The following NCR1 variants were observed in gnomAD, a reference collection of about 807,000 sequenced individuals.
The protein encoded by NCR1 is natural cytotoxicity triggering receptor 1.
NCR1 carries 30 observed loss-of-function variants against 32.5 expected under a neutral mutation model. That is an observed-to-expected ratio of 0.92 (90% CI 0.69 to 1.25). NCR1 has a LOEUF of 1.25. Among genes scored for constraint, NCR1 ranks in the 50% most tolerant of loss-of-function variants. NCR1 has a pLI of 0.00. For synonymous variants in NCR1, 169 were observed against 143.4 expected (o/e 1.18, Z -1.28); for missense variants, 369 against 380.7 (o/e 0.97, Z 0.26).
chr19:54,907,202 C>G (rs2067678026), intron 3 of NCR1, among the ~76,000 whole-genome samples: 1 of 150,270 alleles, frequency 6.7e-6, no homozygotes, highest in Non-Finnish European at 1.5e-5. Flanking sequence ...GTCACCCAGG[C>G]TGGAGTGCAG....
chr19:54,930,683 GGAAGA>G, the NCR1 span: 1 of 1,611,074 alleles, frequency 6.2e-7, no homozygotes, highest in Non-Finnish European at 8.5e-7. Flanking sequence ...GATAATCAAA[GGAAGA>G]GAAGCCTGTT....
chr19:54,914,683 C>T (rs183195748), downstream of NCR1, among the ~76,000 whole-genome samples: 5 of 151,886 alleles, frequency 3.3e-5, no homozygotes, highest in Non-Finnish European at 7.4e-5. Context: ...TTCTTCAGGG[C>T]TCTGCAGAGA....
chr19:54,920,228 C>T (rs2068221491), downstream of NCR1, among the ~76,000 whole-genome samples: 1 of 152,126 alleles, frequency 6.6e-6, no homozygotes, highest in South Asian at 2.1e-4. Context: ...AATGGCTGAG[C>T]CAGCCATTCT....
At position 54,909,365 on chromosome 19, in the gene NCR1, G is replaced by A. The variant is rs774857066; in HGVS notation, c.476G>A (p.Gly159Glu). ...AGCATGTTCTTACTGCTCAAGGAGG[G>A]AAGATCCAGCCACGTACAGCGCGGA... ...ATSMFLLLKEGRSSHVQRGYG... is the reference protein window; with the variant it reads ...ATSMFLLLKEERSSHVQRGYG... Residue 159 changes from glycine to glutamate, a missense_variant, in exon 4 of 7, where the codon GGA (glycine) becomes GAA (glutamate). By Grantham distance (98) the Gly-to-Glu change is moderately conservative (BLOSUM62 -2). Transcript: ENST00000291890. 1 of 1,614,084 alleles carries A rather than the reference G, an allele frequency of 6.2e-7. No individual in the cohort carries two copies. The highest frequency in any genetic ancestry group is 2.2e-5 in the East Asian group (1 of 44,874).
the NCR1 span, among the ~76,000 whole-genome samples, chr19:54,932,614 C>G: frequency 6.6e-6 from 1 of 152,102 alleles, no homozygotes; most frequent in African/African-American, 2.4e-5. Flanking sequence ...CAATTCCAAC[C>G]TGCCACCTAT....
the NCR1 span, among the ~76,000 whole-genome samples, chr19:54,924,421 A>C: frequency 6.6e-6 from 1 of 151,738 alleles, no homozygotes; most frequent in Non-Finnish European, 1.5e-5. Flanking sequence ...TCCGCAGTTC[A>C]AGGCCAGCCT....
downstream of NCR1, among the ~76,000 whole-genome samples, chr19:54,918,708 G>A (rs1053886385): frequency 4.0e-5 from 6 of 151,468 alleles, no homozygotes; most frequent in South Asian, 2.1e-4. Flanking sequence ...GCACGGTGGC[G>A]GTGGCTCACG....
At chr19:54,923,134 C>T in the NCR1 span, among the ~76,000 whole-genome samples, 75,668 of 151,998 alleles carry the variant, frequency 0.5, 19,155 homozygotes, top group South Asian at 0.59. Context: ...GCTGGCTGCC[C>T]ATGGCCCACG....
At chr19:54,925,715 G>A in the NCR1 span, among the ~76,000 whole-genome samples, 1 of 152,018 alleles carries the variant, frequency 6.6e-6, no homozygotes, top group African/African-American at 2.4e-5. Context: ...ATAAGTCACT[G>A]AGGCCGGGCG....
At chr19:54,930,404 G>A in the NCR1 span, 1 of 853,320 alleles carries the variant, frequency 1.2e-6, no homozygotes, top group Non-Finnish European at 1.9e-6. Context: ...CGAAGCCGCA[G>A]TGAGCCGTAA....
chr19:54,903,487 TATAC>T (rs987849689), upstream of NCR1, among the ~76,000 whole-genome samples: 6 of 146,798 alleles, frequency 4.1e-5, 1 homozygote, highest in Non-Finnish European at 9.0e-5. Flanking sequence ...CATGTATGTA[TATAC>T]ATATATGTAT....
the NCR1 span, among the ~76,000 whole-genome samples, chr19:54,934,091 C>T: frequency 6.6e-6 from 1 of 152,124 alleles, no homozygotes; most frequent in Non-Finnish European, 1.5e-5. This position sits in a 1 kb window ranked among gnomAD's most constrained non-coding sequence, Gnocchi z 6.7. Context: ...CTACAGGCGC[C>T]CACCACACCT....
the NCR1 span, among the ~76,000 whole-genome samples, chr19:54,899,049 C>T: frequency 3.3e-5 from 5 of 151,900 alleles, no homozygotes; most frequent in African/African-American, 7.3e-5. Flanking sequence ...TTGGGACTGA[C>T]GGGACAGGCG....
At chr19:54,919,049 A>G (rs1330277347), downstream of NCR1, among the ~76,000 whole-genome samples, 3 of 151,892 alleles carry the variant, frequency 2.0e-5, no homozygotes, top group African/African-American at 4.8e-5. Context: ...CTCCAGCTCC[A>G]TCCAAATTGC....
intron 5 of NCR1, 22 bp downstream of exon 5, chr19:54,910,087 G>T: frequency 6.2e-7 from 1 of 1,610,596 alleles, no homozygotes; most frequent in Non-Finnish European, 8.5e-7. Flanking sequence ...GTCCTTCTAA[G>T]CTCAGACGAG....
the NCR1 span, chr19:54,927,790 C>T: frequency 9.7e-5 from 157 of 1,611,832 alleles, no homozygotes; most frequent in East Asian, 2.9e-3. Context: ...TGAGGAAGAA[C>T]ATGGAAATCC....
At chr19:54,910,411 A>G (rs2067911824) in intron 5 of NCR1, among the ~76,000 whole-genome samples, 1 of 151,976 alleles carries the variant, frequency 6.6e-6, no homozygotes, top group African/African-American at 2.4e-5. Flanking sequence ...CTCTACTAAA[A>G]ATACAAAAAT....
chr19:54,907,971 C>T (rs1029151112), intron 3 of NCR1, among the ~76,000 whole-genome samples: 1 of 151,520 alleles, frequency 6.6e-6, no homozygotes, highest in Non-Finnish European at 1.5e-5. Context: ...AACACAGCTA[C>T]TCATTTATTC....
chr19:54,911,376 GA>G (rs1043148746), intron 5 of NCR1, among the ~76,000 whole-genome samples: 81 of 139,034 alleles, frequency 5.8e-4, no homozygotes, highest in African/African-American at 2.1e-3. Context: ...AAAAGAAAAA[GA>G]AAAAAAAATA....
Sources: gnomAD v4.1 joint callset for allele counts (sites outside exome capture counted in the v4.1 genomes callset) on GRCh38, gnomAD v4.1.1 for gene constraint, Gnocchi (gnomAD v3.1) non-coding constraint, MANE v1.5 for transcripts, NCBI Gene and HGNC (gene_info 2026-07-23, HGNC 2026-07-21) for gene names.